Variants in CADPS observed in about 807,000 individuals in gnomAD.
CADPS encodes calcium-dependent secretion activator 1.
CADPS carries 57 observed loss-of-function variants against 167.3 expected under a neutral mutation model. That is an observed-to-expected ratio of 0.34 (90% CI 0.28 to 0.42). The LOEUF is 0.42. CADPS is among the 20% of genes least tolerant of loss of function. The pLI, the probability that CADPS is intolerant of heterozygous loss-of-function variation, is 1.00. For missense variants in CADPS, 1,414 were observed against 1,738.1 expected (o/e 0.81, Z 3.32); for synonymous variants, 676 against 635.3 (o/e 1.06, Z -0.96).
rs143693085 is a variant in CADPS at position 62,625,622 on chromosome 3, C to T, written c.1325+20100G>A. On this transcript the variant is annotated intron_variant, in intron 6 of 29. Coordinates refer to ENST00000383710, the MANE Select transcript of CADPS (RefSeq NM_003716.4). ...CTATATTTATAGATTTCTTTCTTTTCTCTTCCTCCTTTTATACCTCCTTTT... is the reference window on the plus strand; with the variant it reads ...CTATATTTATAGATTTCTTTCTTTTTTCTTCCTCCTTTTATACCTCCTTTT... The T allele has an allele frequency of 1.7e-4, 26 of 151,032 alleles. 1 individual carries two copies. The highest frequency in any genetic ancestry group is 6.4e-4 in the African/African-American group (26 of 40,334). 9.4% of individuals were successfully genotyped at this position (151,032 alleles called of 1,614,324 possible). A position where few individuals can be genotyped will look rare whatever the true frequency, so the allele number is the denominator to read the frequency against.
At chr3:62,627,078 C>T (rs1330699939) in intron 6 of CADPS, among the ~76,000 whole-genome samples, 1 of 151,858 alleles carries the variant, frequency 6.6e-6, no homozygotes, top group Non-Finnish European at 1.5e-5. Flanking sequence ...TATTCTTAAT[C>T]TTAAGTTCTT....
chr3:62,570,781 T>C, intron 9 of CADPS, 91 bp downstream of exon 9: 1 of 848,248 alleles, frequency 1.2e-6, no homozygotes, highest in Non-Finnish European at 2.0e-6. Flanking sequence ...ATGAGCTCTG[T>C]GTATTTAAGT....
chr3:62,685,849 T>A (rs192394466), intron 3 of CADPS, among the ~76,000 whole-genome samples: 1 of 152,242 alleles, frequency 6.6e-6, no homozygotes, highest in East Asian at 1.9e-4. Flanking sequence ...GCCACTGATC[T>A]GACAGGAGGT....
In CADPS at chr3:62,803,751, C is replaced by T. The variant is rs375036145; in HGVS notation, c.442-37767G>A. Among the ~76,000 whole-genome samples the T allele has an allele frequency of 5.3e-4, 80 of 152,120 alleles. 1 individual carries two copies. In the South Asian group the frequency reaches 8.7e-3, roughly 17 times the overall value. ...TAAATGTTAACAGATAGTAAGTCAC[C>T]GTGTAGCTTAAAAATCCTCTCGTTT... On this transcript the variant is annotated intron_variant, in intron 1 of 29. Coordinates refer to ENST00000383710, the MANE Select transcript of CADPS (RefSeq NM_003716.4).
rs3047244 is a variant in CADPS, at chr3:62,819,407, CGTGTGTGTGT to C, written c.442-53433_442-53424del. Among the ~76,000 whole-genome samples the C allele has an allele frequency of 3.4e-3, 492 of 144,070 alleles. 5 individuals carry two copies. The highest frequency in any genetic ancestry group is 0.012 in the African/African-American group (452 of 38,798). 94.5% of individuals were successfully genotyped at this position (144,070 alleles called of 152,430 possible). ...GTTTAAAGCAATGACAATCTGTGTG[CGTGTGTGTGT>C]GTGTGTGTGTGTGTGTGTGTGTGTG... On this transcript the variant is annotated intron_variant, in intron 1 of 29. Transcript: ENST00000383710.
At position 62,585,168 on chromosome 3, in the gene CADPS, G is replaced by A. The variant is rs1025439366; in HGVS notation, c.1577+17C>T. On this transcript the variant is annotated intron_variant, in intron 8 of 29. Transcript: ENST00000383710. ...AGACGTGTGTCCAAAACTGCTAGTT[G>A]GGGAAGAAACACTTACCCAGAATGC... The A allele has an allele frequency of 9.9e-6, 16 of 1,611,418 alleles. No individual in the cohort carries two copies. In the African/African-American group the frequency reaches 2.0e-4, roughly 20 times the overall value.
intron 13 of CADPS, chr3:62,530,600 G>C (rs1577291668): frequency 1.8e-6 from 2 of 1,098,760 alleles, no homozygotes; most frequent in South Asian, 1.9e-5. Flanking sequence ...ATGGAGGCTT[G>C]GGGAAAGGGT....
intron 1 of CADPS, among the ~76,000 whole-genome samples, chr3:62,790,240 T>C (rs1411774055): frequency 6.6e-6 from 1 of 152,200 alleles, no homozygotes; most frequent in Non-Finnish European, 1.5e-5. Flanking sequence ...GGCTACATAA[T>C]CACCAACTTT....
chr3:62,744,255 C>T (rs1028082093), intron 3 of CADPS, among the ~76,000 whole-genome samples: 8 of 151,526 alleles, frequency 5.3e-5, no homozygotes, highest in South Asian at 2.1e-4. Context: ...GAGGTCAGGA[C>T]GTAAATTATG....
chr3:62,410,041 CACAT>C (rs1381255426), intron 28 of CADPS, among the ~76,000 whole-genome samples: 2 of 152,126 alleles, frequency 1.3e-5, no homozygotes, highest in Non-Finnish European at 2.9e-5. Context: ...GCAACACACA[CACAT>C]ACATATATAC....
chr3:62,649,231 A>G (rs2069381307), intron 5 of CADPS, among the ~76,000 whole-genome samples: 1 of 152,128 alleles, frequency 6.6e-6, no homozygotes, highest in Non-Finnish European at 1.5e-5. Flanking sequence ...GATAAGAAGC[A>G]TGTAGGGGCT....
chr3:62,593,103 C>T (rs1481871263), intron 6 of CADPS, among the ~76,000 whole-genome samples: 1 of 152,234 alleles, frequency 6.6e-6, no homozygotes, highest in Non-Finnish European at 1.5e-5. Context: ...CTTCCTCATT[C>T]ATGGAAACTG....
chr3:62,782,867 C>T (rs569026718), intron 1 of CADPS, among the ~76,000 whole-genome samples: 32 of 151,200 alleles, frequency 2.1e-4, no homozygotes, highest in African/African-American at 7.8e-4. Context: ...TCAAACGATT[C>T]TCCTACCTTA....
intron 28 of CADPS, among the ~76,000 whole-genome samples, chr3:62,431,734 T>A (rs1241887382): frequency 6.6e-6 from 1 of 151,994 alleles, no homozygotes; most frequent in Non-Finnish European, 1.5e-5. Context: ...CTGTAAAGAA[T>A]ATTTTGGGGA....
chr3:62,781,800 C>T (rs1407777323), intron 1 of CADPS, among the ~76,000 whole-genome samples: 1 of 152,046 alleles, frequency 6.6e-6, no homozygotes, highest in East Asian at 1.9e-4. Flanking sequence ...GTCTTTGCAC[C>T]TCAAAGACCA....
At chr3:62,691,025 A>G (rs1052663684) in intron 3 of CADPS, among the ~76,000 whole-genome samples, 4 of 152,174 alleles carry the variant, frequency 2.6e-5, no homozygotes, top group African/African-American at 7.2e-5. Context: ...CCTTGAAAAG[A>G]TGTCGAGGAA....
At chr3:62,852,679 T>G (rs906657431) in intron 1 of CADPS, among the ~76,000 whole-genome samples, 1 of 152,076 alleles carries the variant, frequency 6.6e-6, no homozygotes. Context: ...CCTTCATGAC[T>G]TTGTTGAAGA....
At chr3:62,524,280 A>G (rs2071488431) in intron 13 of CADPS, among the ~76,000 whole-genome samples, 1 of 152,138 alleles carries the variant, frequency 6.6e-6, no homozygotes, top group Non-Finnish European at 1.5e-5. Context: ...GGTTTGTACA[A>G]TCCTATGTTA....
At chr3:62,655,977 G>T (rs767125118) in intron 4 of CADPS, among the ~76,000 whole-genome samples, 1 of 152,232 alleles carries the variant, frequency 6.6e-6, no homozygotes, top group Middle Eastern at 3.4e-3. Context: ...AACTCATCCA[G>T]TCCATGACAG....
Sources: allele counts gnomAD v4.1 joint callset (sites outside exome capture counted in the v4.1 genomes callset), GRCh38; gene constraint gnomAD v4.1.1; transcripts MANE v1.5; gene names NCBI Gene and HGNC (gene_info 2026-07-23, HGNC 2026-07-21).